Variants in MARCHF1 observed in about 807,000 individuals in gnomAD.
The protein encoded by MARCHF1 is E3 ubiquitin-protein ligase MARCHF1.
MARCHF1 carries 40 observed loss-of-function variants against 54.2 expected under a neutral mutation model. The ratio of observed to expected loss-of-function variants is 0.74; its 90% CI spans 0.57 to 0.96. The LOEUF (loss-of-function observed/expected upper bound fraction) is 0.96, where lower values mean the gene tolerates loss of function less well. Among genes scored for constraint, MARCHF1 ranks in the 40% least tolerant of loss-of-function variants. MARCHF1 has a pLI of 0.00. For missense variants in MARCHF1, 586 were observed against 656.5 expected (o/e 0.89, Z 1.17); for synonymous variants, 236 against 236.3 (o/e 1.00, Z 0.01).
intron 1 of MARCHF1, among the ~76,000 whole-genome samples, chr4:164,330,857 T>C (rs1735417162): frequency 6.6e-6 from 1 of 152,190 alleles, no homozygotes; most frequent in Non-Finnish European, 1.5e-5. Context: ...TACACCTAAA[T>C]TTATTGAAAA....
rs879647384 is a variant in MARCHF1, at chr4:163,635,425, C to T, written c.163-22032G>A. Reference sequence around the variant, plus strand: ...GATAAAGGGGATATCACCACCGATCCCACAGAAATACAAACTACCATCAGA... The same window carrying T: ...GATAAAGGGGATATCACCACCGATCTCACAGAAATACAAACTACCATCAGA... On this transcript the variant is annotated intron_variant, in intron 5 of 9. Transcript: ENST00000514618. 7.8e-3 allele frequency among the ~76,000 whole-genome samples: 1,172 copies of T among 149,832 alleles called. 19 individuals are homozygous for T. The highest frequency in any genetic ancestry group is 0.027 in the African/African-American group (1,107 of 40,608).
intron 5 of MARCHF1, among the ~76,000 whole-genome samples, chr4:163,700,565 GA>G (rs1339502037): frequency 6.7e-6 from 1 of 150,276 alleles, no homozygotes; most frequent in African/African-American, 2.4e-5. Context: ...AGGAAGGAAG[GA>G]AGGAAGGAAG....
At chr4:164,242,009 G>A (rs1732778986) in intron 1 of MARCHF1, among the ~76,000 whole-genome samples, 1 of 152,196 alleles carries the variant, frequency 6.6e-6, no homozygotes, top group Non-Finnish European at 1.5e-5. Flanking sequence ...TGCTAGCACG[G>A]CAGTCTGAGA....
chr4:163,762,895 T>C (rs1415721548), intron 4 of MARCHF1, among the ~76,000 whole-genome samples: 1 of 152,120 alleles, frequency 6.6e-6, no homozygotes, highest in East Asian at 1.9e-4. Context: ...AAAGTAATTA[T>C]GCATCTTCCT....
intron 9 of MARCHF1, chr4:163,529,875 G>C (rs1738287383): frequency 6.6e-6 from 1 of 151,966 alleles, no homozygotes. Flanking sequence ...AGGGTCAAGT[G>C]GTCCTCTTGC....
intron 1 of MARCHF1, among the ~76,000 whole-genome samples, chr4:164,239,957 T>C (rs1480455009): frequency 6.6e-6 from 1 of 152,220 alleles, no homozygotes; most frequent in Non-Finnish European, 1.5e-5. Context: ...CATGCTTAAG[T>C]AGAGTAAGAG....
At chr4:164,091,743 T>C (rs1479985822) in intron 2 of MARCHF1, among the ~76,000 whole-genome samples, 1 of 152,044 alleles carries the variant, frequency 6.6e-6, no homozygotes, top group African/African-American at 2.4e-5. Context: ...GACTAAATAC[T>C]GGATATGTGA....
chr4:163,762,707 T>C (rs1746862842), intron 4 of MARCHF1, among the ~76,000 whole-genome samples: 1 of 152,142 alleles, frequency 6.6e-6, no homozygotes, highest in South Asian at 2.1e-4. Context: ...TTACATAATG[T>C]ATCTATGATG....
intron 3 of MARCHF1, among the ~76,000 whole-genome samples, chr4:163,928,563 T>C (rs1177278102): frequency 6.6e-6 from 1 of 151,966 alleles, no homozygotes; most frequent in African/African-American, 2.4e-5. Context: ...CTTAACTGCA[T>C]TATCACAATG....
At chr4:164,215,242 C>T (rs887784597) in intron 1 of MARCHF1, among the ~76,000 whole-genome samples, 2 of 152,108 alleles carry the variant, frequency 1.3e-5, no homozygotes, top group Non-Finnish European at 2.9e-5. Context: ...AGATGGTTTT[C>T]CCCTGGAGCA....
chr4:164,380,204 G>A (rs537161189), intron 1 of MARCHF1, among the ~76,000 whole-genome samples: 27 of 151,958 alleles, frequency 1.8e-4, no homozygotes, highest in South Asian at 4.2e-4. Context: ...AATTACTTTT[G>A]CACCAACCTA....
In MARCHF1 at chr4:163,852,285, T is replaced by C. The variant is rs879222558; in HGVS notation, c.111+1736A>G. Among the ~76,000 whole-genome samples the C allele has an allele frequency of 1.2e-4, 19 of 152,246 alleles. No individual in the cohort carries two copies. In the Middle Eastern group the frequency reaches 0.01, roughly 82 times the overall value. ...ATGAAGATGTCATTAGGTTTATTATTAGGTTACCCAATTATAGGCAGAAAG... is the reference window on the plus strand; with the variant it reads ...ATGAAGATGTCATTAGGTTTATTATCAGGTTACCCAATTATAGGCAGAAAG... On this transcript the variant is annotated intron_variant, in intron 4 of 9. Coordinates refer to ENST00000514618, the MANE Select transcript of MARCHF1 (RefSeq NM_001394959.1).
chr4:164,068,232 T>A (rs556467518), intron 2 of MARCHF1, among the ~76,000 whole-genome samples: 1 of 152,188 alleles, frequency 6.6e-6, no homozygotes, highest in Non-Finnish European at 1.5e-5. Context: ...GACAGCGTGC[T>A]GGCAGCCCTC....
chr4:163,767,087 A>G (rs1380697943), intron 4 of MARCHF1, among the ~76,000 whole-genome samples: 1 of 137,962 alleles, frequency 7.2e-6, no homozygotes, highest in African/African-American at 2.7e-5. Context: ...TCAGATAAGG[A>G]TACGGCGATG....
chr4:164,217,917 GA>G (rs1333593316), intron 1 of MARCHF1, among the ~76,000 whole-genome samples: 1 of 152,052 alleles, frequency 6.6e-6, no homozygotes, highest in Non-Finnish European at 1.5e-5. Context: ...AAGAGAGAGA[GA>G]GGGGAAAAAC....
At chr4:163,913,980 C>T (rs1010269069) in intron 3 of MARCHF1, among the ~76,000 whole-genome samples, 1 of 102,918 alleles carries the variant, frequency 9.7e-6, no homozygotes, top group Admixed American at 1.2e-4. Flanking sequence ...TGTGACAGCA[C>T]GGGGATCTCT....
At chr4:164,374,372 A>G (rs1731124842) in intron 1 of MARCHF1, among the ~76,000 whole-genome samples, 1 of 152,188 alleles carries the variant, frequency 6.6e-6, no homozygotes, top group Non-Finnish European at 1.5e-5. Context: ...AAAGTGGGAC[A>G]AAAAGCTAAC....
chr4:164,087,344 T>C (rs1026143360), intron 2 of MARCHF1, among the ~76,000 whole-genome samples: 24 of 152,124 alleles, frequency 1.6e-4, no homozygotes, highest in Admixed American at 8.5e-4. Context: ...TTCATAAATA[T>C]TTCAAAGTGA....
chr4:163,975,376 G>A (rs370760609), intron 3 of MARCHF1, among the ~76,000 whole-genome samples: 6 of 152,188 alleles, frequency 3.9e-5, no homozygotes, highest in South Asian at 4.1e-4. Context: ...TAGCTAATTG[G>A]ATTTCTGGGC....
Sources: allele counts gnomAD v4.1 joint callset (sites outside exome capture counted in the v4.1 genomes callset), GRCh38; gene constraint gnomAD v4.1.1; transcripts MANE v1.5; gene names NCBI Gene and HGNC (gene_info 2026-07-23, HGNC 2026-07-21).